Variants in ENPP2 observed in about 807,000 individuals in gnomAD.
ENPP2 encodes autotaxin.
In ENPP2, 51 loss-of-function variants were observed where a neutral mutation model predicts 120.2. The observed-to-expected ratio is 0.42, with a 90% CI of 0.34 to 0.54. The LOEUF (loss-of-function observed/expected upper bound fraction) is 0.54, where lower values mean the gene tolerates loss of function less well. Ranked by LOEUF, ENPP2 falls within the 20% of genes least tolerant of loss-of-function variation. The probability of loss-of-function intolerance (pLI) is 0.04; values close to 1 mark genes in which losing one functional copy is unlikely to be tolerated. For missense variants in ENPP2, 920 were observed against 1,066.5 expected (o/e 0.86, Z 1.91); for synonymous variants, 365 against 366.4 (o/e 1.00, Z 0.04).
chr8:119,608,334 G>C (rs953979803), intron 8 of ENPP2, among the ~76,000 whole-genome samples: 1 of 152,162 alleles, frequency 6.6e-6, no homozygotes, highest in African/African-American at 2.4e-5. Context: ...GGACCCAAGA[G>C]TGGGCCATAT....
intron 6 of ENPP2, 43 bp from the exon 7 acceptor site, chr8:119,617,286 G>T (rs776299069): frequency 6.8e-7 from 1 of 1,476,320 alleles, no homozygotes. Context: ...GAACCAACAG[G>T]AATTGCTTAT....
At chr8:119,590,668 C>T (rs935359) in intron 12 of ENPP2, 38 bp from the exon 13 acceptor site, 1,306,830 of 1,421,734 alleles carry the variant, frequency 0.92, 601,315 homozygotes, top group East Asian at 1. Context: ...TCAGGCAAGA[C>T]TAAAACGAAA....
intron 1 of ENPP2, among the ~76,000 whole-genome samples, chr8:119,663,184 G>A (rs375221711): frequency 8.6e-5 from 13 of 151,792 alleles, no homozygotes; most frequent in East Asian, 7.7e-4. Context: ...TATAATTGTC[G>A]TGGTTCCCAC....
intron 5 of ENPP2, chr8:119,618,155 A>T (rs1815607039): frequency 2.7e-6 from 1 of 367,112 alleles, no homozygotes; most frequent in Non-Finnish European, 5.3e-6. Context: ...GTGACCTGTT[A>T]TTATTCATTG....
chr8:119,584,000 C>T lies in ENPP2; in HGVS notation c.1417G>A (p.Gly473Arg). 1 of 1,613,718 alleles carries T rather than the reference C, an allele frequency of 6.2e-7. No individual in the cohort carries two copies. Among genetic ancestry groups the T allele is most frequent in the Non-Finnish European group, 8.5e-7 (1 of 1,179,746 alleles). Residue 473 changes from glycine to arginine, a missense_variant, in exon 16 of 25, where the codon GGA becomes AGA. Physicochemically the swap from Gly to Arg is moderately radical, Grantham distance 125 (BLOSUM62 -2). Transcript: ENST00000075322. ...ACCTTGTTATCAAATCCGTGGTCTC[C>T]CTGGAAAAAGCATTTTCCTGATGGT... ...KKPSGKCFFQ[G>R]DHGFDNKVNS...
chr8:119,631,431 T>A (rs1049259466), intron 2 of ENPP2, among the ~76,000 whole-genome samples: 1 of 151,710 alleles, frequency 6.6e-6, no homozygotes, highest in African/African-American at 2.4e-5. Context: ...TTAGCCAGGA[T>A]GGTCTCGATC....
At chr8:119,595,897 T>C (rs1327671609) in intron 11 of ENPP2, 8 of 1,614,112 alleles carry the variant, frequency 5.0e-6, no homozygotes, top group South Asian at 2.2e-5. Context: ...TGTATTTTTC[T>C]TCTTCTTTTC....
At chr8:119,579,872 T>C (rs2130272267) in intron 19 of ENPP2, among the ~76,000 whole-genome samples, 1 of 152,248 alleles carries the variant, frequency 6.6e-6, no homozygotes, top group Non-Finnish European at 1.5e-5. Context: ...ATTGTGTACT[T>C]TTCAGAGGGC....
intron 23 of ENPP2, 122 bp from the exon 24 acceptor site, chr8:119,563,135 T>C: frequency 3.8e-6 from 3 of 792,190 alleles, no homozygotes; most frequent in Non-Finnish European, 5.9e-6. Context: ...AATTGAATCA[T>C]TTTTCACTTC....
At chr8:119,659,320 T>TAA (rs750701293) in intron 1 of ENPP2, among the ~76,000 whole-genome samples, 37 of 64,896 alleles carry the variant, frequency 5.7e-4, no homozygotes, top group African/African-American at 1.3e-3. Flanking sequence ...CTGTCTCAAT[T>TAA]AAAAAAAAAA....
At chr8:119,610,495 A>ATT (rs1815020503) in intron 8 of ENPP2, among the ~76,000 whole-genome samples, 1 of 150,798 alleles carries the variant, frequency 6.6e-6, no homozygotes. Context: ...TATAAAAGAG[A>ATT]GAGAGAGAGA....
At chr8:119,585,032 G>A (rs1197567067) in intron 15 of ENPP2, among the ~76,000 whole-genome samples, 1 of 152,152 alleles carries the variant, frequency 6.6e-6, no homozygotes, top group Non-Finnish European at 1.5e-5. Context: ...TTGCCCAACT[G>A]TCATCATCTT....
At chr8:119,559,096 C>A (rs1813709669) in intron 24 of ENPP2, among the ~76,000 whole-genome samples, 1 of 152,156 alleles carries the variant, frequency 6.6e-6, no homozygotes, top group African/African-American at 2.4e-5. Flanking sequence ...ATGTCCCACC[C>A]TCCTAACCCA....
At chr8:119,568,560 TAAAA>T (rs533604966) in intron 21 of ENPP2, among the ~76,000 whole-genome samples, 1 of 151,212 alleles carries the variant, frequency 6.6e-6, no homozygotes, top group African/African-American at 2.4e-5. Flanking sequence ...CATTTAGACT[TAAAA>T]AAAAATCATC....
intron 11 of ENPP2, 152 bp downstream of exon 11, chr8:119,600,526 T>A (rs1032345152): frequency 4.1e-5 from 22 of 532,252 alleles, no homozygotes; most frequent in Non-Finnish European, 6.1e-5. Context: ...TAAGATTTTT[T>A]AAAAAATTTT....
chr8:119,617,379 GC>G lies in ENPP2; in HGVS notation c.577+86del. 4 of 1,122,414 alleles carry G rather than the reference GC, an allele frequency of 3.6e-6. No homozygotes were observed. The Middle Eastern group carries it at 7.9e-4, about 221-fold the overall frequency. 69.5% of individuals were successfully genotyped at this position (1,122,414 alleles called of 1,614,324 possible). ...TAATAAAACACATTTAAAACTACGT[GC>G]CCATAGATCTCAAAGCCCACAGCCC... On this transcript the variant is annotated intron_variant, in intron 6 of 24. Coordinates refer to ENST00000075322, the MANE Select transcript of ENPP2 (RefSeq NM_001040092.3).
intron 13 of ENPP2, among the ~76,000 whole-genome samples, chr8:119,589,680 G>A (rs1007119430): frequency 2.2e-4 from 33 of 151,936 alleles, no homozygotes; most frequent in African/African-American, 7.5e-4. Flanking sequence ...AACAGTTCCA[G>A]TTGTGTTGAC....
At chr8:119,612,403 A>C (rs1336535714) in intron 8 of ENPP2, among the ~76,000 whole-genome samples, 1 of 152,208 alleles carries the variant, frequency 6.6e-6, no homozygotes, top group Non-Finnish European at 1.5e-5. Context: ...CTTTCCATCA[A>C]GTCAACCCCT....
intron 14 of ENPP2, 69 bp from the exon 15 acceptor site, chr8:119,586,382 C>T: frequency 1.3e-6 from 2 of 1,485,816 alleles, no homozygotes; most frequent in Non-Finnish European, 1.9e-6. Flanking sequence ...AATTCTCTCT[C>T]TAGAAAGCTG....
Sources: gnomAD v4.1 joint callset for allele counts (sites outside exome capture counted in the v4.1 genomes callset) on GRCh38, gnomAD v4.1.1 for gene constraint, MANE v1.5 for transcripts, NCBI Gene and HGNC (gene_info 2026-07-23, HGNC 2026-07-21) for gene names.